FOCAD: variants seen among roughly 807,000 people sequenced by gnomAD.
FOCAD encodes the protein focadhesin.
FOCAD carries 198 observed loss-of-function variants against 225.6 expected under a neutral mutation model. That is an observed-to-expected ratio of 0.88 (90% CI 0.78 to 0.99). The LOEUF is 0.99. Ranked by LOEUF, FOCAD falls within the 50% of genes least tolerant of loss-of-function variation. The pLI is 0.00. For synonymous variants in FOCAD, 897 were observed against 755.0 expected (o/e 1.19, Z -3.08); for missense variants, 2,713 against 2,123.6 (o/e 1.28, Z -5.46).
intron 15 of FOCAD, among the ~76,000 whole-genome samples, chr9:20,861,237 G>A (rs1459483117): frequency 6.6e-6 from 1 of 152,050 alleles, no homozygotes; most frequent in Non-Finnish European, 1.5e-5. Flanking sequence ...TTACAATAAG[G>A]TGTCAAGTTT....
intron 4 of FOCAD, among the ~76,000 whole-genome samples, chr9:20,730,901 A>T (rs779888613): frequency 6.6e-6 from 1 of 152,100 alleles, no homozygotes; most frequent in Admixed American, 6.5e-5. Flanking sequence ...GTAGATTAAG[A>T]TAAGTTAAAT....
intron 28 of FOCAD, among the ~76,000 whole-genome samples, chr9:20,940,718 A>G (rs957876063): frequency 6.6e-6 from 1 of 152,240 alleles, no homozygotes; most frequent in African/African-American, 2.4e-5. Flanking sequence ...AGTAGGAATC[A>G]TCATCACTTT....
At chr9:20,914,296 T>C (rs984268839) in intron 23 of FOCAD, among the ~76,000 whole-genome samples, 6 of 152,038 alleles carry the variant, frequency 3.9e-5, no homozygotes, top group African/African-American at 1.2e-4. Context: ...GGAACAGCAG[T>C]GAATAAAGCC....
chr9:20,766,035 C>G (rs1469384412), intron 7 of FOCAD, among the ~76,000 whole-genome samples: 1 of 152,086 alleles, frequency 6.6e-6, no homozygotes, highest in Admixed American at 6.6e-5. Flanking sequence ...GTGGCTTTTC[C>G]AAAGCTTTTG....
At chr9:20,823,861 C>T (rs1381171687) in intron 15 of FOCAD, among the ~76,000 whole-genome samples, 1 of 152,004 alleles carries the variant, frequency 6.6e-6, no homozygotes, top group Non-Finnish European at 1.5e-5. Flanking sequence ...CCATATTGAG[C>T]GTTATGCTCG....
intron 5 of FOCAD, among the ~76,000 whole-genome samples, chr9:20,752,117 A>G (rs1197749496): frequency 6.8e-6 from 1 of 145,988 alleles, no homozygotes; most frequent in Non-Finnish European, 1.5e-5. Context: ...TTGCCTGTTC[A>G]CTCTGATGGT....
intron 11 of FOCAD, among the ~76,000 whole-genome samples, chr9:20,795,785 A>G (rs1486460667): frequency 1.0e-3 from 50 of 50,068 alleles, no homozygotes; most frequent in Non-Finnish European, 1.6e-3. Flanking sequence ...CTCTGTCTCG[A>G]AAAAAAAAAA....
chr9:20,967,098 A>G (rs1014066007), intron 35 of FOCAD, among the ~76,000 whole-genome samples: 7 of 152,030 alleles, frequency 4.6e-5, no homozygotes, highest in Non-Finnish European at 1.0e-4. Flanking sequence ...CATTGAATCT[A>G]TGGATCACTT....
At chr9:20,908,051 A>G (rs756705951) in intron 22 of FOCAD, among the ~76,000 whole-genome samples, 4 of 152,118 alleles carry the variant, frequency 2.6e-5, no homozygotes, top group Admixed American at 6.6e-5. Context: ...ATTTGATCCA[A>G]TAATATTATA....
At chr9:20,786,020 T>C (rs1819887987) in intron 10 of FOCAD, among the ~76,000 whole-genome samples, 1 of 152,210 alleles carries the variant, frequency 6.6e-6, no homozygotes, top group Non-Finnish European at 1.5e-5. Flanking sequence ...AAAATACTTA[T>C]TTTACAAGCC....
chr9:20,847,348 T>G (rs1587386882), intron 15 of FOCAD, among the ~76,000 whole-genome samples: 1 of 152,276 alleles, frequency 6.6e-6, no homozygotes, highest in East Asian at 1.9e-4. Flanking sequence ...GTGACTGGCT[T>G]ATTTCACATA....
chr9:20,897,247 TTCTC>T (rs1438517359), intron 21 of FOCAD, among the ~76,000 whole-genome samples: 1 of 151,834 alleles, frequency 6.6e-6, no homozygotes, highest in African/African-American at 2.4e-5. Context: ...CATAGTGTCT[TTCTC>T]TATCCATTTA....
rs149387572 is a variant in FOCAD, at chr9:20,820,645, T to G, written c.1662+220T>G. Among the ~76,000 whole-genome samples the G allele has an allele frequency of 0.013, 1,969 of 152,262 alleles. 43 individuals are homozygous for G. Among genetic ancestry groups the G allele is most frequent in the African/African-American group, 0.046 (1,893 of 41,572 alleles). On this transcript the variant is annotated intron_variant, in intron 13 of 43. Coordinates refer to ENST00000338382, the MANE Select transcript of FOCAD (RefSeq NM_001375567.1). Reference sequence around the variant, plus strand: ...AAATCTCATTTCTTTATTTCTGAAATGTATCTTTCCATTTGCTTGAGAAAG... The same window carrying G: ...AAATCTCATTTCTTTATTTCTGAAAGGTATCTTTCCATTTGCTTGAGAAAG...
chr9:20,684,146 G>T (rs2131308251), upstream of FOCAD: 1 of 152,392 alleles, frequency 6.6e-6, no homozygotes, highest in Admixed American at 6.5e-5. Context: ...GCCGGGGAGG[G>T]CGGGCCCCAG....
chr9:20,951,092 G>T lies in FOCAD; in HGVS notation c.4045G>T (p.Ala1349Ser), dbSNP rs766707231. ...LSTLSSSQSR[A>S]SVPTDYSYLP... ...TACTCTATCCTCAAGTCAAAGTAGAGCCTCTGGTAAGATTAAAGTCATAAA... is the reference window on the plus strand; with the variant it reads ...TACTCTATCCTCAAGTCAAAGTAGATCCTCTGGTAAGATTAAAGTCATAAA... The change falls in exon 34 of 44, where the codon GCC becomes TCC. Residue 1349 changes from alanine (A) to serine (S), a missense_variant. Transcript: ENST00000338382. 24 of 1,611,574 alleles carry T rather than the reference G, an allele frequency of 1.5e-5. 1 individual carries two copies. The highest frequency in any genetic ancestry group is 3.3e-4 in the Middle Eastern group (2 of 6,076).
At chr9:20,749,030 C>T (rs990085670) in intron 5 of FOCAD, among the ~76,000 whole-genome samples, 1 of 151,602 alleles carries the variant, frequency 6.6e-6, no homozygotes, top group Non-Finnish European at 1.5e-5. Flanking sequence ...TGTTTTTTTT[C>T]CCCCAGTGAT....
chr9:20,678,525 C>T (rs182363454), intron 2 of FOCAD, among the ~76,000 whole-genome samples: 54 of 152,286 alleles, frequency 3.5e-4, no homozygotes, highest in African/African-American at 1.3e-3. Context: ...TGTTACACAG[C>T]AATCTCTATT....
intron 1 of FOCAD, among the ~76,000 whole-genome samples, chr9:20,708,726 T>C (rs1824591504): frequency 6.6e-6 from 1 of 151,882 alleles, no homozygotes; most frequent in Non-Finnish European, 1.5e-5. Context: ...CAGTGACCTA[T>C]GATTGTGTCA....
chr9:20,673,509 T>C (rs2131284100), intron 2 of FOCAD, among the ~76,000 whole-genome samples: 1 of 152,330 alleles, frequency 6.6e-6, no homozygotes, highest in African/African-American at 2.4e-5. Context: ...GGTTATGATA[T>C]TGAGCATCTT....
Sources: gnomAD v4.1 joint callset for allele counts (sites outside exome capture counted in the v4.1 genomes callset) on GRCh38, gnomAD v4.1.1 for gene constraint, MANE v1.5 for transcripts, NCBI Gene and HGNC (gene_info 2026-07-23, HGNC 2026-07-21) for gene names.